The following PDE1C variants were observed in gnomAD, a reference collection of about 807,000 sequenced individuals.
PDE1C encodes the protein phosphodiesterase 1C, also known as dual specificity calcium/calmodulin-dependent 3',5'-cyclic nucleotide phosphodiesterase 1C.
A neutral mutation model predicts 93.1 loss-of-function variants in PDE1C; 62 were observed. The observed-to-expected ratio is 0.67, with a 90% CI of 0.54 to 0.82. PDE1C has a LOEUF of 0.82. Among genes scored for constraint, PDE1C ranks in the 40% least tolerant of loss-of-function variants. The pLI is 0.00. For synonymous variants in PDE1C, 325 were observed against 310.1 expected (o/e 1.05, Z -0.50); for missense variants, 742 against 884.6 (o/e 0.84, Z 2.04).
At chr7:32,178,974 AAAGT>A (rs1300292797) in intron 2 of PDE1C, among the ~76,000 whole-genome samples, 1 of 152,188 alleles carries the variant, frequency 6.6e-6, no homozygotes, top group Non-Finnish European at 1.5e-5. Flanking sequence ...TCAGCCCTTC[AAAGT>A]AAGTATTATG....
intron 2 of PDE1C, among the ~76,000 whole-genome samples, chr7:31,934,558 A>C (rs1804760918): frequency 1.2e-5 from 1 of 81,274 alleles, no homozygotes; most frequent in East Asian, 2.5e-4. Context: ...AGCACCACCA[A>C]TACAAAAAAA....
At chr7:32,349,820 G>A (rs1783924664) in intron 1 of PDE1C, among the ~76,000 whole-genome samples, 1 of 152,094 alleles carries the variant, frequency 6.6e-6, no homozygotes, top group Non-Finnish European at 1.5e-5. Context: ...AGTAGAGACA[G>A]GGTTTCACCC....
At chr7:32,295,944 A>G (rs571188028) in intron 1 of PDE1C, among the ~76,000 whole-genome samples, 6 of 150,678 alleles carry the variant, frequency 4.0e-5, no homozygotes, top group Non-Finnish European at 7.4e-5. Context: ...TCAAAGATTT[A>G]GTTTTTTATC....
intron 3 of PDE1C, among the ~76,000 whole-genome samples, chr7:32,097,646 C>A (rs559865295): frequency 6.6e-6 from 1 of 152,110 alleles, no homozygotes; most frequent in Non-Finnish European, 1.5e-5. Context: ...GTTTTATTTT[C>A]TTTTAATCAT....
chr7:32,246,275 C>T (rs564022700), intron 1 of PDE1C, among the ~76,000 whole-genome samples: 12 of 152,146 alleles, frequency 7.9e-5, no homozygotes, highest in South Asian at 4.2e-4. Context: ...GGCCATTCGA[C>T]GTATGAATTT....
the PDE1C span, chr7:31,695,718 T>A: frequency 1.5e-6 from 2 of 1,330,080 alleles, no homozygotes; most frequent in South Asian, 3.0e-5. Context: ...TCAGGTATTT[T>A]AAAGTAATTT....
At chr7:31,759,904 C>A (rs1325903946) in intron 17 of PDE1C, among the ~76,000 whole-genome samples, 1 of 152,042 alleles carries the variant, frequency 6.6e-6, no homozygotes. Flanking sequence ...CTCTCTTTCT[C>A]TCTCTCTCTC....
chr7:31,816,780 G>T (rs962540332), intron 14 of PDE1C, among the ~76,000 whole-genome samples: 5 of 152,124 alleles, frequency 3.3e-5, no homozygotes, highest in Admixed American at 1.3e-4. Flanking sequence ...TGAGCCTTAT[G>T]AAAAAAACAT....
intron 2 of PDE1C, among the ~76,000 whole-genome samples, chr7:31,922,476 T>C (rs1165231814): frequency 6.6e-6 from 1 of 152,206 alleles, no homozygotes; most frequent in Non-Finnish European, 1.5e-5. Context: ...TGCATGCCTA[T>C]TTTTCTGAAT....
upstream of PDE1C, among the ~76,000 whole-genome samples, chr7:32,076,114 T>C (rs566463619): frequency 6.6e-6 from 1 of 152,108 alleles, no homozygotes; most frequent in Admixed American, 6.5e-5. Context: ...TTGACTATAA[T>C]AGACATAACC....
chr7:31,942,768 A>G (rs1042555310), intron 2 of PDE1C, among the ~76,000 whole-genome samples: 2 of 152,206 alleles, frequency 1.3e-5, no homozygotes, highest in Admixed American at 1.3e-4. Context: ...TCCAATGAGA[A>G]AAGCAAACAA....
Position 31,862,005 on chromosome 7 carries a change from T to G in PDE1C, c.750+2937A>C, listed in dbSNP as rs1794748613. Among the ~76,000 whole-genome samples, 2 of 152,218 alleles carry G rather than the reference T, an allele frequency of 1.3e-5. 1 individual carries two copies. The highest frequency in any genetic ancestry group is 4.1e-4 in the South Asian group (2 of 4,834). On this transcript the variant is annotated intron_variant, in intron 7 of 17. Coordinates refer to ENST00000396191, the MANE Select transcript of PDE1C (RefSeq NM_001191057.4). ...GCTGTTCCCACTAGGCTTGCCTTAC[T>G]TCTGCTCCTTGAATGTAGCAAAGTT...
intron 1 of PDE1C, among the ~76,000 whole-genome samples, chr7:32,324,007 T>G (rs1783351792): frequency 6.6e-6 from 1 of 152,172 alleles, no homozygotes; most frequent in Admixed American, 6.5e-5. Context: ...CATCAGCCCA[T>G]GGGCCAAATC....
At chr7:31,621,143 A>AT in the PDE1C span, among the ~76,000 whole-genome samples, 1 of 150,918 alleles carries the variant, frequency 6.6e-6, no homozygotes, top group Admixed American at 6.6e-5. Context: ...GGTGTACCTG[A>AT]AAGTGATGGG....
chr7:31,802,802 C>T (rs982732415), intron 16 of PDE1C, among the ~76,000 whole-genome samples: 5 of 151,728 alleles, frequency 3.3e-5, no homozygotes, highest in African/African-American at 9.7e-5. Context: ...TTTGTCTGTA[C>T]ATATGTGTAA....
chr7:31,732,086 C>A, the PDE1C span, among the ~76,000 whole-genome samples: 1 of 152,250 alleles, frequency 6.6e-6, no homozygotes, highest in South Asian at 2.1e-4. Context: ...TGTGCGGCCC[C>A]GCACAGCCCA....
chr7:31,848,453 T>C (rs1792902306), intron 8 of PDE1C, among the ~76,000 whole-genome samples: 1 of 152,118 alleles, frequency 6.6e-6, no homozygotes, highest in South Asian at 2.1e-4. Flanking sequence ...TTATTTTTAT[T>C]TTTATTTTAT....
chr7:31,684,606 G>A, the PDE1C span, among the ~76,000 whole-genome samples: 1 of 152,108 alleles, frequency 6.6e-6, no homozygotes, highest in African/African-American at 2.4e-5. Context: ...GTAGACAAGA[G>A]ACATGAAGTA....
At chr7:32,126,243 A>AGATAGATAGATAGATT (rs1318671988) in intron 3 of PDE1C, among the ~76,000 whole-genome samples, 8 of 148,042 alleles carry the variant, frequency 5.4e-5, no homozygotes, top group African/African-American at 2.1e-4. Flanking sequence ...ATAGATAGAT[A>AGATAGATAGATAGATT]GATTCATTTA....
Sources: gnomAD v4.1 joint callset for allele counts (sites outside exome capture counted in the v4.1 genomes callset) on GRCh38, gnomAD v4.1.1 for gene constraint, MANE v1.5 for transcripts, NCBI Gene and HGNC (gene_info 2026-07-23, HGNC 2026-07-21) for gene names.